The following SNTG1 variants were observed in gnomAD, a reference collection of about 807,000 sequenced individuals.
SNTG1 encodes gamma-1-syntrophin.
Under a neutral mutation model 74.7 loss-of-function variants are expected in SNTG1, and 39 were observed. The observed-to-expected ratio is 0.52, with a 90% confidence interval of 0.40 to 0.68. SNTG1 has a LOEUF of 0.68. Ranked by LOEUF, SNTG1 falls within the 30% of genes least tolerant of loss-of-function variation. The pLI is 0.00. For synonymous variants in SNTG1, 254 were observed against 217.1 expected (o/e 1.17, Z -1.49); for missense variants, 685 against 609.5 (o/e 1.12, Z -1.30).
In SNTG1 at chr8:50,752,065, T is replaced by C. The variant is rs1274320784; in HGVS notation, c.1349T>C (p.Ile450Thr). The C allele has an allele frequency of 3.2e-6, 5 of 1,566,752 alleles. No individual in the cohort carries two copies. Among genetic ancestry groups the C allele is most frequent in the Non-Finnish European group, 3.4e-6 (4 of 1,160,626 alleles). ...KGSSDDGKSK[I>T]KFLFQNPDTK... ...TCTTCAGATGATGGCAAGAGCAAAA[T>C]CAAATTTTTGTTTCAGAATCCAGAT... Residue 450 changes from isoleucine (I) to threonine (T), a missense_variant, in exon 18 of 19, where the codon ATC becomes ACC. Transcript: ENST00000642720.
chr8:50,481,814 C>CA (rs1229104240), intron 8 of SNTG1, among the ~76,000 whole-genome samples: 2 of 152,098 alleles, frequency 1.3e-5, no homozygotes, highest in African/African-American at 4.8e-5. Flanking sequence ...TAATCAATAT[C>CA]AAAAAGAACA....
intron 2 of SNTG1, among the ~76,000 whole-genome samples, chr8:50,310,260 T>C (rs1333556046): frequency 6.6e-6 from 1 of 152,214 alleles, no homozygotes; most frequent in Non-Finnish European, 1.5e-5. Context: ...TAATTATTGA[T>C]TCCTTGGAGT....
At chr8:50,480,050 G>C (rs2093727258) in intron 8 of SNTG1, among the ~76,000 whole-genome samples, 1 of 152,138 alleles carries the variant, frequency 6.6e-6, no homozygotes, top group Non-Finnish European at 1.5e-5. Context: ...TGAGGATAGA[G>C]CACCTCTGGC....
intron 11 of SNTG1, among the ~76,000 whole-genome samples, chr8:50,544,501 A>G (rs1192951897): frequency 6.6e-6 from 1 of 152,028 alleles, no homozygotes; most frequent in Non-Finnish European, 1.5e-5. Context: ...ATTTTTTAAA[A>G]GCGTACATTT....
At chr8:50,694,447 A>C (rs1309269611) in intron 15 of SNTG1, among the ~76,000 whole-genome samples, 1 of 152,144 alleles carries the variant, frequency 6.6e-6, no homozygotes, top group Non-Finnish European at 1.5e-5. Context: ...AGTAATAAGA[A>C]GTCTCCCATC....
At chr8:50,176,564 C>G (rs2083006524) in intron 2 of SNTG1, among the ~76,000 whole-genome samples, 1 of 152,122 alleles carries the variant, frequency 6.6e-6, no homozygotes, top group Non-Finnish European at 1.5e-5. Context: ...GCACTAATAG[C>G]AGTGAGGTTC....
rs556038968 is a variant in SNTG1, at chr8:50,792,876, C to T, written c.*47C>T. The T allele has an allele frequency of 9.2e-6, 14 of 1,518,736 alleles. No homozygotes were observed. In the African/African-American group the frequency reaches 1.8e-4, roughly 20 times the overall value. The allele number at this position is 1,518,736 out of a possible 1,614,324, so 94.1% of individuals were successfully genotyped here. A position where few individuals can be genotyped will look rare whatever the true frequency, so the allele number is the denominator to read the frequency against. On this transcript the variant is annotated 3_prime_UTR_variant, in exon 19 of 19. Coordinates refer to ENST00000642720, the MANE Select transcript of SNTG1 (RefSeq NM_018967.5). The stretch of plus-strand genomic sequence containing the variant: ...ACACCCCATGACTGTATAAGCAGGA[C>T]ACATTTACTCATCATTTTAGACCCT...
At chr8:50,656,880 A>G (rs1183695864) in intron 13 of SNTG1, 29 bp from the exon 14 acceptor site, 1 of 1,421,414 alleles carries the variant, frequency 7.0e-7, no homozygotes, top group Non-Finnish European at 9.9e-7. Flanking sequence ...AGAAGTTTTG[A>G]CAGTTGATTG....
chr8:50,533,085 A>G (rs1012262888), intron 10 of SNTG1, among the ~76,000 whole-genome samples: 1 of 152,212 alleles, frequency 6.6e-6, no homozygotes, highest in African/African-American at 2.4e-5. Context: ...GACATCACTA[A>G]TTTGAAGGTA....
intron 8 of SNTG1, among the ~76,000 whole-genome samples, chr8:50,487,014 G>T (rs1337448378): frequency 1.3e-5 from 2 of 152,134 alleles, no homozygotes; most frequent in Non-Finnish European, 1.5e-5. Flanking sequence ...CTTGATCATG[G>T]TGGATAAGCT....
intron 2 of SNTG1, among the ~76,000 whole-genome samples, chr8:50,350,722 G>T (rs1353916750): frequency 1.3e-5 from 2 of 152,178 alleles, no homozygotes; most frequent in Admixed American, 1.3e-4. Flanking sequence ...TGGGGACTTG[G>T]AGAACCTTTA....
At chr8:50,508,917 T>C (rs1358310119) in intron 9 of SNTG1, among the ~76,000 whole-genome samples, 1 of 152,210 alleles carries the variant, frequency 6.6e-6, no homozygotes, top group Non-Finnish European at 1.5e-5. Flanking sequence ...AGAAGCTCTT[T>C]AGTTTAATTA....
intron 4 of SNTG1, among the ~76,000 whole-genome samples, chr8:50,412,943 C>T (rs149706644): frequency 1.2e-3 from 189 of 152,174 alleles, no homozygotes; most frequent in African/African-American, 4.1e-3. Context: ...GGTTTTAGAG[C>T]GGTGTACAAT....
intron 18 of SNTG1, 141 bp from the exon 19 acceptor site, chr8:50,792,529 TC>T: frequency 1.2e-6 from 1 of 863,888 alleles, no homozygotes; most frequent in Non-Finnish European, 1.7e-6. Context: ...ACCAAAAATG[TC>T]TACATTTGAA....
At chr8:49,928,296 C>T (rs1028817662) in intron 1 of SNTG1, among the ~76,000 whole-genome samples, 2 of 151,126 alleles carry the variant, frequency 1.3e-5, no homozygotes, top group Non-Finnish European at 2.9e-5. Flanking sequence ...GGTGTGATAT[C>T]AGCCGCTCAT....
In SNTG1 at chr8:50,300,869, C is replaced by CAGTTGATGTTTTAT. The variant is rs2089614779; in HGVS notation, c.-27-93343_-27-93342insAGTTGATGTTTTAT. On this transcript the variant is annotated intron_variant, in intron 2 of 18. Transcript: ENST00000642720. ...ACTTTTCAGTTGACGTTTTTATTTTCTTTTAACACTTTAAAAACATCCTTC... is the reference window on the plus strand; with the variant it reads ...ACTTTTCAGTTGACGTTTTTATTTTCAGTTGATGTTTTATTTTTAACACTTTAAAAACATCCTTC... Among the ~76,000 whole-genome samples the CAGTTGATGTTTTAT allele has an allele frequency of 2.6e-5, 4 of 152,124 alleles. No homozygotes were observed. The South Asian group carries it at 8.3e-4, about 32-fold the overall frequency.
chr8:49,910,766 A>G (rs973043602), upstream of SNTG1: 8 of 152,440 alleles, frequency 5.2e-5, no homozygotes, highest in Admixed American at 4.6e-4. Context: ...AGCCAACAAA[A>G]AAAACAACGT....
At chr8:50,496,713 G>A (rs2093907645) in intron 8 of SNTG1, among the ~76,000 whole-genome samples, 1 of 151,942 alleles carries the variant, frequency 6.6e-6, no homozygotes, top group Non-Finnish European at 1.5e-5. Context: ...CTTATTGATT[G>A]TCACCATTTA....
At position 50,358,349 on chromosome 8, in the gene SNTG1, A is replaced by G. The variant is rs569407485; in HGVS notation, c.-27-35863A>G. Among the ~76,000 whole-genome samples, 6 of 152,316 alleles carry G rather than the reference A, an allele frequency of 3.9e-5. No homozygotes were observed. In the South Asian group the frequency reaches 1.0e-3, roughly 26 times the overall value. On this transcript the variant is annotated intron_variant, in intron 2 of 18. Transcript: ENST00000642720. ...GTTTTTGTTTTTAACTTCATTAACTAATGGAGGATACAAGCAAAGGTCAGG... is the reference window on the plus strand; with the variant it reads ...GTTTTTGTTTTTAACTTCATTAACTGATGGAGGATACAAGCAAAGGTCAGG...
Sources: gnomAD v4.1 joint callset for allele counts (sites outside exome capture counted in the v4.1 genomes callset) on GRCh38, gnomAD v4.1.1 for gene constraint, MANE v1.5 for transcripts, NCBI Gene and HGNC (gene_info 2026-07-23, HGNC 2026-07-21) for gene names.